Variants in PDE1C observed in about 807,000 individuals in gnomAD.
PDE1C encodes the protein dual specificity calcium/calmodulin-dependent 3',5'-cyclic nucleotide phosphodiesterase 1C.
Under a neutral mutation model 93.1 loss-of-function variants are expected in PDE1C, and 62 were observed. The ratio of observed to expected loss-of-function variants is 0.67; its 90% CI spans 0.54 to 0.82. The LOEUF (loss-of-function observed/expected upper bound fraction) is 0.82, where lower values mean the gene tolerates loss of function less well. PDE1C is among the 40% of genes least tolerant of loss of function. PDE1C has a pLI of 0.00. For missense variants in PDE1C, 742 were observed against 884.6 expected, an observed-to-expected ratio of 0.84 and a Z score of 2.04; for synonymous variants, 325 against 310.1, an observed-to-expected ratio of 1.05 and a Z score of -0.50.
intron 3 of PDE1C, among the ~76,000 whole-genome samples, chr7:32,137,546 G>A (rs756524462): frequency 2.0e-5 from 3 of 152,136 alleles, no homozygotes; most frequent in African/African-American, 7.2e-5. Flanking sequence ...TGGTCTCATC[G>A]CCACCTGTTG....
At chr7:32,085,119 G>A (rs1796984495) in intron 3 of PDE1C, among the ~76,000 whole-genome samples, 1 of 149,108 alleles carries the variant, frequency 6.7e-6, no homozygotes, top group African/African-American at 2.5e-5. Flanking sequence ...GACTAATAAA[G>A]AAAAAAAGAG....
chr7:32,147,272 A>AAAG (rs1800918985), intron 3 of PDE1C, among the ~76,000 whole-genome samples: 2 of 96,610 alleles, frequency 2.1e-5, no homozygotes, highest in African/African-American at 7.7e-5. Context: ...AAGAAAGAAA[A>AAAG]AAAGAAAGAA....
chr7:31,679,958 G>C, the PDE1C span, among the ~76,000 whole-genome samples: 1 of 152,156 alleles, frequency 6.6e-6, no homozygotes, highest in Non-Finnish European at 1.5e-5. Flanking sequence ...GAGGGAAGAG[G>C]GCAATGAATT....
chr7:31,833,850 T>G (rs1336629958), intron 11 of PDE1C, among the ~76,000 whole-genome samples: 2 of 152,144 alleles, frequency 1.3e-5, no homozygotes, highest in Non-Finnish European at 2.9e-5. Flanking sequence ...TGAGGAGAAA[T>G]TCCAGCCTGC....
the PDE1C span, among the ~76,000 whole-genome samples, chr7:31,667,040 C>T: frequency 2.0e-5 from 3 of 151,902 alleles, no homozygotes; most frequent in African/African-American, 4.8e-5. Flanking sequence ...GACATGAAGT[C>T]GGGATGTGGG....
intron 2 of PDE1C, among the ~76,000 whole-genome samples, chr7:31,993,400 AGAAGG>A (rs1483732718): frequency 6.6e-6 from 1 of 152,154 alleles, no homozygotes; most frequent in Non-Finnish European, 1.5e-5. Context: ...CAGGGAGCCT[AGAAGG>A]GTATGGCTGC....
At chr7:32,277,295 A>G (rs1811349695) in intron 1 of PDE1C, among the ~76,000 whole-genome samples, 1 of 152,178 alleles carries the variant, frequency 6.6e-6, no homozygotes, top group Admixed American at 6.5e-5. Context: ...GTTTTCCAAC[A>G]ATAAGCAACA....
intron 2 of PDE1C, among the ~76,000 whole-genome samples, chr7:32,202,953 T>G (rs184259911): frequency 1.3e-5 from 2 of 152,150 alleles, no homozygotes; most frequent in Non-Finnish European, 2.9e-5. Flanking sequence ...TCATCTTACA[T>G]AATAGAAACT....
At chr7:31,661,314 T>C in the PDE1C span, among the ~76,000 whole-genome samples, 6 of 152,136 alleles carry the variant, frequency 3.9e-5, no homozygotes, top group African/African-American at 2.4e-5. Context: ...ATAAAGAAAA[T>C]GTTAAGACAT....
intron 1 of PDE1C, among the ~76,000 whole-genome samples, chr7:32,334,965 G>T (rs531521598): frequency 6.6e-6 from 1 of 152,104 alleles, no homozygotes; most frequent in East Asian, 1.9e-4. Flanking sequence ...TCTGTATTCT[G>T]TAGATCTTGG....
intron 1 of PDE1C, among the ~76,000 whole-genome samples, chr7:32,263,390 G>A (rs1033520043): frequency 6.6e-6 from 1 of 151,886 alleles, no homozygotes; most frequent in Non-Finnish European, 1.5e-5. Context: ...TGTGTGTGTA[G>A]TGAATAAATT....
intron 1 of PDE1C, among the ~76,000 whole-genome samples, chr7:32,211,971 A>G (rs1193497877): frequency 2.7e-5 from 4 of 145,836 alleles, no homozygotes; most frequent in African/African-American, 7.6e-5. Context: ...GGCTGCAGTG[A>G]GCTGTGATCA....
At chr7:32,180,162 T>G (rs528008696) in intron 2 of PDE1C, among the ~76,000 whole-genome samples, 22 of 152,148 alleles carry the variant, frequency 1.4e-4, no homozygotes, top group Non-Finnish European at 2.9e-4. Context: ...CTTAAATCAG[T>G]CACCTAGATA....
rs879595141 is a variant in PDE1C at position 32,089,086 on chromosome 7, G to C, written c.308+80699C>G. Among the ~76,000 whole-genome samples the C allele has an allele frequency of 3.0e-4, 45 of 152,204 alleles. 1 individual carries two copies. Among genetic ancestry groups the C allele is most frequent in the African/African-American group, 9.9e-4 (41 of 41,450 alleles). On this transcript the variant is annotated intron_variant, in intron 3 of 18. Coordinates refer to the PDE1C transcript ENST00000396193. ...TGTGGACAGAGCCATCACTGATACT[G>C]AAAGGGCAGGTTTAACCCTGGATGG... is the stretch of plus-strand genomic sequence containing the variant.
chr7:31,651,174 G>T, the PDE1C span: 1 of 1,613,390 alleles, frequency 6.2e-7, no homozygotes, highest in African/African-American at 1.3e-5. Context: ...CCATGAAGAC[G>T]ATATGCCAAA....
Position 32,422,420 on chromosome 7 carries a change from T to C in PDE1C, c.310+5402A>G, listed in dbSNP as rs529986284. On this transcript the variant is annotated intron_variant, in intron 1 of 1. Coordinates refer to the PDE1C transcript ENST00000672256. Reference sequence around the variant, plus strand: ...CATGGTGCTGTGGTTTGGGGTACAATTGAGCCAGTCACACAGGTAGTGAGC... The same window carrying C: ...CATGGTGCTGTGGTTTGGGGTACAACTGAGCCAGTCACACAGGTAGTGAGC... Among the ~76,000 whole-genome samples, 8 of 152,278 alleles carry C rather than the reference T, an allele frequency of 5.3e-5. No homozygotes were observed. In the South Asian group the frequency reaches 8.3e-4, roughly 16 times the overall value.
intron 2 of PDE1C, among the ~76,000 whole-genome samples, chr7:32,037,826 A>G (rs934870520): frequency 1.3e-5 from 2 of 152,154 alleles, no homozygotes; most frequent in Non-Finnish European, 2.9e-5. Context: ...TACTAATTGC[A>G]TAGTTCCACT....
rs150530743 is a variant in PDE1C at position 32,166,310 on chromosome 7, G to T, written c.308+3475C>A. On this transcript the variant is annotated intron_variant, in intron 3 of 18. Transcript: ENST00000396193. ...AACCACTATCAGAAGTCCAATTTTC[G>T]CACCTGGATAGCTTAAAATGTTTGT... Among the ~76,000 whole-genome samples, 3 of 152,216 alleles carry T rather than the reference G, an allele frequency of 2.0e-5. No homozygotes were observed. In the East Asian group the frequency reaches 5.8e-4, roughly 29 times the overall value.
Position 32,307,606 on chromosome 7 carries a change from AC to A in PDE1C, c.311-98068del, listed in dbSNP as rs11309292. Among the ~76,000 whole-genome samples, 1,168 of 144,150 alleles carry A rather than the reference AC, an allele frequency of 8.1e-3. 17 individuals carry two copies. Among genetic ancestry groups the A allele is most frequent in the African/African-American group, 0.029 (1,121 of 39,022 alleles). 94.6% of individuals were successfully genotyped at this position (144,150 alleles called of 152,430 possible). ...ACTTACTAGATGGAGACATGGTTAA[AC>A]CCTGCTGCATGCCCAGGACTGAGGT... On this transcript the variant is annotated intron_variant, in intron 1 of 1. Transcript: ENST00000672256.
Sources: allele counts gnomAD v4.1 joint callset (sites outside exome capture counted in the v4.1 genomes callset), GRCh38; gene constraint gnomAD v4.1.1; transcripts MANE v1.5; gene names NCBI Gene and HGNC (gene_info 2026-07-23, HGNC 2026-07-21).